SPOCK1: variants seen among roughly 807,000 people sequenced by gnomAD.
SPOCK1 encodes the protein testican-1.
Under a neutral mutation model 55.3 loss-of-function variants are expected in SPOCK1, and 23 were observed. That is an observed-to-expected ratio of 0.42 (90% CI 0.30 to 0.59). SPOCK1 has a LOEUF of 0.59. SPOCK1 is among the 20% of genes least tolerant of loss of function. SPOCK1 has a pLI of 0.22. For synonymous variants in SPOCK1, 226 were observed against 221.0 expected (o/e 1.02, Z -0.20); for missense variants, 499 against 552.5 (o/e 0.90, Z 0.97).
chr5:137,308,796 T>C (rs1580859207), intron 2 of SPOCK1, among the ~76,000 whole-genome samples: 1 of 152,166 alleles, frequency 6.6e-6, no homozygotes, highest in Non-Finnish European at 1.5e-5. Flanking sequence ...AACCATCCTA[T>C]GGAGTACTCA....
chr5:137,120,901 G>A (rs1464017093), intron 4 of SPOCK1, among the ~76,000 whole-genome samples: 2 of 152,190 alleles, frequency 1.3e-5, no homozygotes, highest in Admixed American at 1.3e-4. Flanking sequence ...CAGGAAGGAG[G>A]CTGAAGAAAG....
chr5:137,473,228 G>C (rs1192846428), intron 2 of SPOCK1, among the ~76,000 whole-genome samples: 2 of 152,154 alleles, frequency 1.3e-5, no homozygotes, highest in African/African-American at 2.4e-5. Flanking sequence ...ATAGGAGACT[G>C]GCTGAATAAA....
intron 3 of SPOCK1, among the ~76,000 whole-genome samples, chr5:137,250,494 T>A (rs1756488182): frequency 6.6e-6 from 1 of 152,198 alleles, no homozygotes; most frequent in Non-Finnish European, 1.5e-5. Flanking sequence ...GGATTTTTTT[T>A]AACAGTCAAT....
At chr5:137,322,921 G>T (rs1017701888) in intron 2 of SPOCK1, among the ~76,000 whole-genome samples, 1 of 152,138 alleles carries the variant, frequency 6.6e-6, no homozygotes, top group African/African-American at 2.4e-5. Flanking sequence ...ATGTCATAAC[G>T]TGGTAAAAGG....
rs991890598 is a variant in SPOCK1, at chr5:137,243,306, A to G, written c.232+23704T>C. Among the ~76,000 whole-genome samples, 8 of 152,144 alleles carry G rather than the reference A, an allele frequency of 5.3e-5. No individual in the cohort carries two copies. The East Asian group carries it at 1.3e-3, about 26-fold the overall frequency. On this transcript the variant is annotated intron_variant, in intron 3 of 10. Transcript: ENST00000394945. Reference sequence around the variant, plus strand: ...TATTTTTTAATCTCTTAAAATTACAATGAAACTCACCCAAACGTTTCAAAG... The same window carrying G: ...TATTTTTTAATCTCTTAAAATTACAGTGAAACTCACCCAAACGTTTCAAAG...
chr5:137,237,394 G>A (rs987858998), intron 3 of SPOCK1, among the ~76,000 whole-genome samples: 1 of 152,082 alleles, frequency 6.6e-6, no homozygotes, highest in Non-Finnish European at 1.5e-5. Context: ...CCACAGACAG[G>A]CCATATATGG....
chr5:137,456,892 T>C (rs1753379379), intron 2 of SPOCK1, among the ~76,000 whole-genome samples: 1 of 152,248 alleles, frequency 6.6e-6, no homozygotes, highest in Admixed American at 6.5e-5. Context: ...AAGAAATTCA[T>C]TGTTAATACA....
intron 3 of SPOCK1, among the ~76,000 whole-genome samples, chr5:137,235,760 C>T (rs774781894): frequency 3.3e-4 from 50 of 152,126 alleles, no homozygotes; most frequent in Non-Finnish European, 6.9e-4. Flanking sequence ...GATATGACCA[C>T]TAGGAGTATA....
intron 3 of SPOCK1, among the ~76,000 whole-genome samples, chr5:137,212,563 T>G (rs959480738): frequency 1.3e-5 from 2 of 152,188 alleles, no homozygotes; most frequent in Non-Finnish European, 2.9e-5. Flanking sequence ...CAGCAGGAAT[T>G]GTGCATCAAC....
intron 2 of SPOCK1, among the ~76,000 whole-genome samples, chr5:137,384,515 C>T (rs1561521403): frequency 1.3e-5 from 2 of 151,514 alleles, no homozygotes; most frequent in Non-Finnish European, 2.9e-5. Flanking sequence ...CATATACATA[C>T]ATACATGCAT....
intron 6 of SPOCK1, among the ~76,000 whole-genome samples, chr5:137,034,733 G>T (rs1349464042): frequency 6.6e-6 from 1 of 152,202 alleles, no homozygotes; most frequent in African/African-American, 2.4e-5. Context: ...TGAGGCTGTG[G>T]TTAAGGAAAT....
intron 5 of SPOCK1, among the ~76,000 whole-genome samples, chr5:137,073,616 A>C (rs2127009329): frequency 6.6e-6 from 1 of 152,336 alleles, no homozygotes; most frequent in Non-Finnish European, 1.5e-5. Flanking sequence ...CTTCCAAATA[A>C]GTCAGAGCCT....
At chr5:136,991,716 T>C (rs1300579190) in intron 7 of SPOCK1, among the ~76,000 whole-genome samples, 7 of 152,216 alleles carry the variant, frequency 4.6e-5, no homozygotes, top group Admixed American at 1.3e-4. Context: ...TCTGTGCTCA[T>C]TGGCCACAGT....
At chr5:137,461,030 T>C (rs1190595438) in intron 2 of SPOCK1, among the ~76,000 whole-genome samples, 1 of 152,228 alleles carries the variant, frequency 6.6e-6, no homozygotes, top group East Asian at 1.9e-4. Flanking sequence ...GACGTAGCTC[T>C]ATCAGAAATT....
intron 2 of SPOCK1, among the ~76,000 whole-genome samples, chr5:137,455,725 C>T (rs1753350646): frequency 6.6e-6 from 1 of 152,146 alleles, no homozygotes; most frequent in Non-Finnish European, 1.5e-5. Flanking sequence ...CAGCTTTCTT[C>T]ATGGCTTAAG....
chr5:137,138,624 A>C (rs1487321112), intron 4 of SPOCK1, among the ~76,000 whole-genome samples: 2 of 152,172 alleles, frequency 1.3e-5, no homozygotes, highest in South Asian at 2.1e-4. Flanking sequence ...TCCGAGAAGA[A>C]AGACATTGCA....
intron 4 of SPOCK1, among the ~76,000 whole-genome samples, chr5:137,139,861 G>T (rs1754060897): frequency 6.6e-6 from 1 of 152,144 alleles, no homozygotes. Context: ...TATTTTTGCA[G>T]GACCAAAGGC....
At chr5:137,233,668 T>C (rs1756115602) in intron 3 of SPOCK1, among the ~76,000 whole-genome samples, 1 of 151,504 alleles carries the variant, frequency 6.6e-6, no homozygotes, top group Non-Finnish European at 1.5e-5. Context: ...ATACATGATA[T>C]TAACTTCAAT....
chr5:137,002,134 T>C (rs1186240467), intron 6 of SPOCK1, among the ~76,000 whole-genome samples: 2 of 152,116 alleles, frequency 1.3e-5, no homozygotes, highest in Non-Finnish European at 2.9e-5. Flanking sequence ...AAAGCAATCT[T>C]TGGAAGAGTT....
Sources: gnomAD v4.1 joint callset for allele counts (sites outside exome capture counted in the v4.1 genomes callset) on GRCh38, gnomAD v4.1.1 for gene constraint, MANE v1.5 for transcripts, NCBI Gene and HGNC (gene_info 2026-07-23, HGNC 2026-07-21) for gene names.